BACH2: variants seen among roughly 807,000 people sequenced by gnomAD.
BACH2 encodes transcription regulator protein BACH2.
BACH2 carries 5 observed loss-of-function variants against 61.8 expected under a neutral mutation model. That is an observed-to-expected ratio of 0.08 (90% confidence interval 0.04 to 0.17). BACH2 has a LOEUF of 0.17. Ranked by LOEUF, BACH2 falls within the 10% of genes least tolerant of loss-of-function variation. The probability of loss-of-function intolerance (pLI) is 1.00; values close to 1 mark genes in which losing one functional copy is unlikely to be tolerated. For missense variants in BACH2, 824 were observed against 1,091.1 expected (o/e 0.76, Z 3.45); for synonymous variants, 446 against 440.1 (o/e 1.01, Z -0.17).
intron 4 of BACH2, among the ~76,000 whole-genome samples, chr6:90,118,722 T>C (rs967093172): frequency 2.2e-4 from 34 of 152,164 alleles, no homozygotes; most frequent in African/African-American, 8.2e-4. Context: ...AACAGGGTCA[T>C]TGTAAGTATC....
intron 5 of BACH2, among the ~76,000 whole-genome samples, chr6:90,036,717 T>C (rs1321319016): frequency 6.6e-6 from 1 of 152,210 alleles, no homozygotes; most frequent in Non-Finnish European, 1.5e-5. Flanking sequence ...ATAGTTTTTT[T>C]CTTTTGAGGC....
At chr6:90,087,515 C>T (rs769719408) in intron 5 of BACH2, among the ~76,000 whole-genome samples, 11 of 152,154 alleles carry the variant, frequency 7.2e-5, no homozygotes, top group Non-Finnish European at 1.3e-4. Context: ...TCCAAATGTA[C>T]ATTTGTTTAG....
At chr6:89,963,467 A>T (rs1774871116) in intron 6 of BACH2, among the ~76,000 whole-genome samples, 1 of 151,912 alleles carries the variant, frequency 6.6e-6, no homozygotes, top group Non-Finnish European at 1.5e-5. Flanking sequence ...TTAATTTCTT[A>T]TTTTTGTAGA....
chr6:90,116,050 T>C (rs1428237526), intron 4 of BACH2, among the ~76,000 whole-genome samples: 1 of 152,162 alleles, frequency 6.6e-6, no homozygotes, highest in Non-Finnish European at 1.5e-5. Context: ...CCTTACACAC[T>C]GTTGGTGGTA....
At chr6:90,015,202 T>C (rs1777995137) in intron 5 of BACH2, among the ~76,000 whole-genome samples, 1 of 152,212 alleles carries the variant, frequency 6.6e-6, no homozygotes, top group African/African-American at 2.4e-5. Flanking sequence ...GCTAGAGGCT[T>C]AACCATTTTA....
chr6:89,950,394 A>G lies in BACH2; in HGVS notation c.1712T>C (p.Met571Thr). Reference protein sequence around the residue: ...HQEPGLMGDGMYNQVRPQIKC... With the variant: ...HQEPGLMGDGTYNQVRPQIKC... ...AATTTGGGGCCGCACTTGGTTGTACATTCCATCTCCCATCAGGCCTGGTTC... is the reference window on the plus strand; with the variant it reads ...AATTTGGGGCCGCACTTGGTTGTACGTTCCATCTCCCATCAGGCCTGGTTC... The change falls in exon 7 of 9, where the codon ATG (methionine) becomes ACG (threonine). Residue 571 changes from methionine to threonine, a missense_variant. This residue lies in a region of BACH2 where 160 missense variants were observed against 283.5 expected (regional missense o/e 0.56). Coordinates refer to ENST00000257749, the MANE Select transcript of BACH2 (RefSeq NM_021813.4). This position sits in a 1 kb window ranked among gnomAD's most constrained non-coding sequence, Gnocchi z 5.3. 1 of 1,614,106 alleles carries G rather than the reference A, an allele frequency of 6.2e-7. No homozygotes were observed. Among genetic ancestry groups the G allele is most frequent in the South Asian group, 1.1e-5 (1 of 91,072 alleles).
chr6:90,056,359 T>C (rs1018145257), intron 5 of BACH2, among the ~76,000 whole-genome samples: 3 of 151,712 alleles, frequency 2.0e-5, no homozygotes, highest in African/African-American at 7.3e-5. Context: ...CAAACAAAGA[T>C]CAAAAGAGAC....
intron 5 of BACH2, among the ~76,000 whole-genome samples, chr6:90,081,960 A>G (rs1781745243): frequency 6.6e-6 from 1 of 152,192 alleles, no homozygotes. Flanking sequence ...TCAAGGAGCT[A>G]TAAAATCACA....
At chr6:90,188,760 G>GAAAAAAAAA (rs57618295) in intron 4 of BACH2, among the ~76,000 whole-genome samples, 11 of 78,734 alleles carry the variant, frequency 1.4e-4, no homozygotes, top group East Asian at 3.3e-4. Context: ...GCCCCAAAAT[G>GAAAAAAAAA]AAAAAAAAAA....
chr6:90,199,315 C>T (rs560358577), intron 4 of BACH2, among the ~76,000 whole-genome samples: 2 of 152,304 alleles, frequency 1.3e-5, no homozygotes, highest in Non-Finnish European at 2.9e-5. Flanking sequence ...GAAGCATTAC[C>T]ATAGTTCCAT....
chr6:90,192,305 CTT>C (rs370512757), intron 4 of BACH2, among the ~76,000 whole-genome samples: 2 of 143,420 alleles, frequency 1.4e-5, no homozygotes. Flanking sequence ...TTCTCGATTC[CTT>C]TTTTTTTTTT....
chr6:90,152,224 C>T (rs1007845796), intron 4 of BACH2, among the ~76,000 whole-genome samples: 30 of 152,302 alleles, frequency 2.0e-4, no homozygotes, highest in Middle Eastern at 3.4e-3. Flanking sequence ...TCATGCTGCA[C>T]GACTCTATAA....
intron 4 of BACH2, among the ~76,000 whole-genome samples, chr6:90,195,298 A>G (rs1052493669): frequency 1.3e-5 from 2 of 152,194 alleles, no homozygotes; most frequent in African/African-American, 4.8e-5. Context: ...CATTACACCA[A>G]GAAGCAGACA....
intron 3 of BACH2, among the ~76,000 whole-genome samples, chr6:90,214,693 C>G (rs185927): frequency 6.7e-6 from 1 of 149,556 alleles, no homozygotes; most frequent in Non-Finnish European, 1.5e-5. Flanking sequence ...GAAGAAAACT[C>G]TAGTTGGCCT....
intron 4 of BACH2, among the ~76,000 whole-genome samples, chr6:90,139,375 G>T (rs1349474971): frequency 6.6e-6 from 1 of 152,190 alleles, no homozygotes; most frequent in Admixed American, 6.5e-5. Context: ...TCATAATTTA[G>T]TAAGAAAAGT....
intron 2 of BACH2, among the ~76,000 whole-genome samples, chr6:90,256,258 C>T (rs1432637611): frequency 1.3e-5 from 2 of 152,202 alleles, no homozygotes; most frequent in Admixed American, 1.3e-4. Context: ...TTTCCAGCCT[C>T]CTTTGCAGCT....
chr6:90,080,603 G>A (rs1036037133), intron 5 of BACH2, among the ~76,000 whole-genome samples: 2 of 152,098 alleles, frequency 1.3e-5, no homozygotes, highest in African/African-American at 2.4e-5. Context: ...TACAGTCCCA[G>A]GATACCAATT....
intron 5 of BACH2, among the ~76,000 whole-genome samples, chr6:90,027,786 G>A (rs1229203334): frequency 2.6e-5 from 4 of 152,052 alleles, no homozygotes; most frequent in Non-Finnish European, 4.4e-5. Flanking sequence ...ACTTATGTGA[G>A]GATTAAACGA....
At chr6:90,044,960 T>G (rs1053183811) in intron 5 of BACH2, among the ~76,000 whole-genome samples, 6 of 152,226 alleles carry the variant, frequency 3.9e-5, no homozygotes, top group African/African-American at 7.2e-5. Context: ...TCTAGAGAGA[T>G]AAATTTGGGA....
Sources: gnomAD v4.1 joint callset for allele counts (sites outside exome capture counted in the v4.1 genomes callset) on GRCh38, gnomAD v4.1.1 for gene constraint, gnomAD v4.1.1 regional missense constraint, Gnocchi (gnomAD v3.1) non-coding constraint, MANE v1.5 for transcripts, NCBI Gene and HGNC (gene_info 2026-07-23, HGNC 2026-07-21) for gene names.